The following NR6A1 variants were observed in gnomAD, a reference collection of about 807,000 sequenced individuals.
The protein encoded by NR6A1 is nuclear receptor subfamily 6 group A member 1, also known as retinoic acid receptor-related testis-associated receptor.
In NR6A1, 7 loss-of-function variants were observed where a neutral mutation model predicts 59.1. That is an observed-to-expected ratio of 0.12 (90% confidence interval 0.07 to 0.22). The LOEUF (loss-of-function observed/expected upper bound fraction) is 0.22, where lower values mean the gene tolerates loss of function less well. NR6A1 is among the 10% of genes least tolerant of loss of function. The probability of loss-of-function intolerance (pLI) is 1.00; values close to 1 mark genes in which losing one functional copy is unlikely to be tolerated. For synonymous variants in NR6A1, 243 were observed against 236.1 expected (o/e 1.03, Z -0.27); for missense variants, 468 against 611.6 (o/e 0.77, Z 2.48).
At chr9:124,684,002 T>C (rs1228921228) in intron 2 of NR6A1, among the ~76,000 whole-genome samples, 1 of 152,204 alleles carries the variant, frequency 6.6e-6, no homozygotes, top group African/African-American at 2.4e-5. Flanking sequence ...AGTGGCATTT[T>C]TGGAAACAGA....
In NR6A1 at chr9:124,518,970, T is replaced by C. The variant is rs999872707; in HGVS notation, c.*3735A>G. On this transcript the variant is annotated 3_prime_UTR_variant, in exon 10 of 10. Transcript: ENST00000487099. ...CAGGGTTCCCTTAATTCGACCAACCTTGGACATGGCTTAGATGCTGCCCAC... is the reference window on the plus strand; with the variant it reads ...CAGGGTTCCCTTAATTCGACCAACCCTGGACATGGCTTAGATGCTGCCCAC... 1.8e-4 allele frequency: 28 copies of C among 152,156 alleles called. No individual in the cohort carries two copies. The highest frequency in any genetic ancestry group is 6.3e-4 in the African/African-American group (26 of 41,428). 9.4% of individuals were successfully genotyped at this position (152,156 alleles called of 1,614,324 possible).
intron 1 of NR6A1, among the ~76,000 whole-genome samples, chr9:124,750,009 A>G (rs1242320641): frequency 1.3e-5 from 2 of 152,206 alleles, no homozygotes; most frequent in African/African-American, 4.8e-5. Flanking sequence ...AATAAGTCAC[A>G]GTGACCATAC....
In NR6A1 at chr9:124,666,275, C is replaced by CTTTTTTTTTTTTTTTTTTTTTTTTTTT. The variant is rs922378385; in HGVS notation, c.142+67032_142+67033insAAAAAAAAAAAAAAAAAAAAAAAAAAA. On this transcript the variant is annotated intron_variant, in intron 2 of 9. Transcript: ENST00000487099. Reference sequence around the variant, plus strand: ...TTGGCGGAATTACCTCTATGTGGTTCTTTTTTTTTTTTTTTTTTTTTGAGA... The same window carrying CTTTTTTTTTTTTTTTTTTTTTTTTTTT: ...TTGGCGGAATTACCTCTATGTGGTTCTTTTTTTTTTTTTTTTTTTTTTTTTTTTTTTTTTTTTTTTTTTTTTTTGAGA... Among the ~76,000 whole-genome samples the CTTTTTTTTTTTTTTTTTTTTTTTTTTT allele has an allele frequency of 9.7e-5, 10 of 103,050 alleles. 1 individual carries two copies. Among genetic ancestry groups the CTTTTTTTTTTTTTTTTTTTTTTTTTTT allele is most frequent in the African/African-American group, 4.3e-4 (10 of 23,010 alleles). The allele number at this position is 103,050 out of a possible 152,430, so 67.6% of individuals were successfully genotyped here.
At chr9:124,527,460 C>G (rs1051638880) in intron 7 of NR6A1, among the ~76,000 whole-genome samples, 3 of 152,306 alleles carry the variant, frequency 2.0e-5, no homozygotes, top group South Asian at 2.1e-4. Context: ...CTGACTTTGG[C>G]AGGAGGGAGG....
intron 2 of NR6A1, among the ~76,000 whole-genome samples, chr9:124,594,013 C>T (rs1172375444): frequency 1.3e-5 from 2 of 152,196 alleles, no homozygotes; most frequent in African/African-American, 4.8e-5. Context: ...TAAAACAAAA[C>T]ATTTGTATGC....
Position 124,536,140 on chromosome 9 carries a change from G to A in NR6A1, c.825-8C>T, listed in dbSNP as rs1001016766. ...GCCTGTGTCACAGCGTATCTGAGGGGCAGGGACAGGGGAAAGTCACTTCCA... is the reference window on the plus strand; with the variant it reads ...GCCTGTGTCACAGCGTATCTGAGGGACAGGGACAGGGGAAAGTCACTTCCA... On this transcript the variant is annotated splice_polypyrimidine_tract_variant and splice_region_variant and intron_variant, in intron 6 of 9. Coordinates refer to ENST00000487099, the MANE Select transcript of NR6A1 (RefSeq NM_033334.4). The A allele has an allele frequency of 6.2e-7, 1 of 1,609,378 alleles. No homozygotes were observed. The highest frequency in any genetic ancestry group is 8.5e-7 in the Non-Finnish European group (1 of 1,177,022).
intron 2 of NR6A1, among the ~76,000 whole-genome samples, chr9:124,566,944 T>A (rs1451538802): frequency 6.6e-6 from 1 of 151,716 alleles, no homozygotes. Flanking sequence ...CCGTCTCTAC[T>A]AAAAATACAA....
At chr9:124,585,933 A>G (rs1834917346) in intron 2 of NR6A1, among the ~76,000 whole-genome samples, 1 of 152,176 alleles carries the variant, frequency 6.6e-6, no homozygotes, top group Admixed American at 6.5e-5. Flanking sequence ...GGTTTACTAA[A>G]TATTTTGAGC....
At chr9:124,614,219 T>C (rs1395787546) in intron 2 of NR6A1, among the ~76,000 whole-genome samples, 2 of 152,102 alleles carry the variant, frequency 1.3e-5, no homozygotes, top group African/African-American at 4.8e-5. Context: ...AGCTGAGATC[T>C]GCAGAGGGGT....
At chr9:124,729,729 C>T (rs1444597938) in intron 2 of NR6A1, among the ~76,000 whole-genome samples, 1 of 152,196 alleles carries the variant, frequency 6.6e-6, no homozygotes, top group Non-Finnish European at 1.5e-5. Flanking sequence ...AGTCTTGATG[C>T]TTCCTATCAC....
chr9:124,590,438 T>A (rs562391241), intron 2 of NR6A1, among the ~76,000 whole-genome samples: 1 of 152,254 alleles, frequency 6.6e-6, no homozygotes, highest in East Asian at 1.9e-4. Context: ...TCTCCCCCAG[T>A]CACTCTCAAA....
At chr9:124,553,559 T>G (rs865867789) in intron 3 of NR6A1, among the ~76,000 whole-genome samples, 1 of 147,126 alleles carries the variant, frequency 6.8e-6, no homozygotes, top group South Asian at 2.2e-4. Context: ...CTTTTTTTTT[T>G]TTTTTTTTTT....
chr9:124,704,587 C>G (rs1839067890), intron 2 of NR6A1, among the ~76,000 whole-genome samples: 1 of 152,160 alleles, frequency 6.6e-6, no homozygotes, highest in Non-Finnish European at 1.5e-5. Flanking sequence ...TGTGTTTTAT[C>G]TAGTTTCTTA....
At chr9:124,736,191 A>G (rs1364119586) in intron 1 of NR6A1, among the ~76,000 whole-genome samples, 1 of 152,158 alleles carries the variant, frequency 6.6e-6, no homozygotes, top group Non-Finnish European at 1.5e-5. Flanking sequence ...CTTTAGTTAT[A>G]TGACTCCCTA....
chr9:124,608,520 C>A (rs1835640511), intron 2 of NR6A1, among the ~76,000 whole-genome samples: 1 of 152,178 alleles, frequency 6.6e-6, no homozygotes, highest in Admixed American at 6.5e-5. Flanking sequence ...ATATATACCA[C>A]ATTTTCTTTA....
At chr9:124,611,751 G>GAC in intron 2 of NR6A1, among the ~76,000 whole-genome samples, 1 of 94,048 alleles carries the variant, frequency 1.1e-5, no homozygotes, top group Non-Finnish European at 2.1e-5. Context: ...CCCTGTCTTA[G>GAC]AGAGAGAGAG....
Position 124,520,283 on chromosome 9 carries a change from A to C in NR6A1, c.*2422T>G, listed in dbSNP as rs2131307399. ...TAAAAGGACTGGTGCAGAAGACATTAAAGACGGTCCACAGGTCAGGCTCCG... is the reference window on the plus strand; with the variant it reads ...TAAAAGGACTGGTGCAGAAGACATTCAAGACGGTCCACAGGTCAGGCTCCG... On this transcript the variant is annotated 3_prime_UTR_variant, in exon 10 of 10. Transcript: ENST00000487099. 1 of 152,344 alleles carries C rather than the reference A, an allele frequency of 6.6e-6. No individual in the cohort carries two copies. The highest frequency in any genetic ancestry group is 1.9e-4 in the East Asian group (1 of 5,190). The allele number at this position is 152,344 out of a possible 1,614,324, so 9.4% of individuals were successfully genotyped here. A position where few individuals can be genotyped will look rare whatever the true frequency, so the allele number is the denominator to read the frequency against.
intron 2 of NR6A1, among the ~76,000 whole-genome samples, chr9:124,597,567 T>C (rs1835313936): frequency 6.6e-6 from 1 of 152,194 alleles, no homozygotes; most frequent in Non-Finnish European, 1.5e-5. Flanking sequence ...AAGGAGCTAT[T>C]AGTCTAACTT....
intron 2 of NR6A1, among the ~76,000 whole-genome samples, chr9:124,596,544 C>T (rs1332298942): frequency 2.6e-5 from 4 of 152,194 alleles, no homozygotes; most frequent in African/African-American, 9.7e-5. Flanking sequence ...TCTGCAAAAT[C>T]CTTTTACAAA....
Sources: allele counts gnomAD v4.1 joint callset (sites outside exome capture counted in the v4.1 genomes callset), GRCh38; gene constraint gnomAD v4.1.1; transcripts MANE v1.5; gene names NCBI Gene and HGNC (gene_info 2026-07-23, HGNC 2026-07-21).